The following SBK1 variants were observed in gnomAD, a reference collection of about 807,000 sequenced individuals.
The protein encoded by SBK1 is SH3 domain binding kinase 1.
In SBK1, 11 loss-of-function variants were observed where a neutral mutation model predicts 24.4. The ratio of observed to expected loss-of-function variants is 0.45; its 90% CI spans 0.28 to 0.75. The LOEUF (loss-of-function observed/expected upper bound fraction) is 0.75, where lower values mean the gene tolerates loss of function less well. Among genes scored for constraint, SBK1 ranks in the 30% least tolerant of loss-of-function variants. SBK1 has a pLI of 0.12. For synonymous variants in SBK1, 308 were observed against 284.4 expected, an observed-to-expected ratio of 1.08 and a Z score of -0.83; for missense variants, 467 against 620.5, an observed-to-expected ratio of 0.75 and a Z score of 2.63.
chr16:28,304,132 G>A (rs2044699076), intron 1 of SBK1, among the ~76,000 whole-genome samples: 1 of 152,196 alleles, frequency 6.6e-6, no homozygotes, highest in Admixed American at 6.5e-5. Context: ...ATTGTTTATA[G>A]TAATAGCAAA....
At chr16:28,274,962 G>A (rs921819166) in intron 1 of SBK1, among the ~76,000 whole-genome samples, 3 of 152,146 alleles carry the variant, frequency 2.0e-5, no homozygotes, top group African/African-American at 7.2e-5. Context: ...ATGTAAACAT[G>A]GTATGTAGGA....
At chr16:28,291,539 C>G (rs543992515), upstream of SBK1, 50 of 145,436 alleles carry the variant, frequency 3.4e-4, no homozygotes, top group East Asian at 9.7e-3. Flanking sequence ...AAAAGAAATG[C>G]TTTTGAAGCT....
chr16:28,300,610 C>T (rs770739416), intron 1 of SBK1, among the ~76,000 whole-genome samples: 8 of 152,104 alleles, frequency 5.3e-5, no homozygotes, highest in Non-Finnish European at 1.2e-4. Flanking sequence ...AGGCTTGAGC[C>T]GCTGTGCCTG....
At chr16:28,284,025 C>G (rs1175990322) in intron 1 of SBK1, among the ~76,000 whole-genome samples, 1 of 152,210 alleles carries the variant, frequency 6.6e-6, no homozygotes, top group African/African-American at 2.4e-5. Context: ...TAACCCTGAG[C>G]AGCGTGTTGT....
Position 28,259,498 on chromosome 16 carries a change from C to A in SBK1, c.253C>A (p.Arg85=), listed in dbSNP as rs1304526998. The A allele has an allele frequency of 2.0e-6, 2 of 982,830 alleles. No homozygotes were observed. The highest frequency in any genetic ancestry group is 4.7e-5 in the South Asian group (1 of 21,222). 60.9% of individuals were successfully genotyped at this position (982,830 alleles called of 1,614,324 possible). A position where few individuals can be genotyped will look rare whatever the true frequency, so the allele number is the denominator to read the frequency against. Residue 85 remains arginine (R), a synonymous_variant, in exon 1 of 4, where the codon CGG becomes AGG. Coordinates refer to the SBK1 transcript ENST00000671413. This position sits in a 1 kb window ranked among gnomAD's most constrained non-coding sequence, Gnocchi z 6.0. The stretch of plus-strand genomic sequence containing the variant: ...GGAGCTGCTGGAAGAAGTCCCATTG[C>A]GGAGGTCAGTGCTCGTGGGTGGCCA...
At chr16:28,281,633 C>T (rs1255612331) in intron 1 of SBK1, among the ~76,000 whole-genome samples, 3 of 152,118 alleles carry the variant, frequency 2.0e-5, no homozygotes, top group African/African-American at 4.8e-5. Flanking sequence ...AGCTAGGGTG[C>T]GCACTTCAGC....
chr16:28,317,557 G>C lies in SBK1; in HGVS notation c.166G>C (p.Val56Leu). Residue 56 changes from valine (V) to leucine (L), a missense_variant, in exon 2 of 4, where the codon GTC becomes CTC. Physicochemically the swap from Val to Leu is conservative, Grantham distance 32 (BLOSUM62 1). This residue lies in a region of SBK1 where 123 missense variants were observed against 158.2 expected (regional missense o/e 0.78). Coordinates refer to ENST00000341901, the MANE Select transcript of SBK1 (RefSeq NM_001024401.3). This position sits in a 1 kb window ranked among gnomAD's most constrained non-coding sequence, Gnocchi z 4.2. ...CGACGTCACCAAGCACTACGAACTA[G>C]TCCGGGAGCTGGGCAAAGGCACCTA... is the stretch of plus-strand genomic sequence containing the variant. ...ASDVTKHYEL[V>L]RELGKGTYGK... The C allele has an allele frequency of 6.2e-7, 1 of 1,614,246 alleles. No individual in the cohort carries two copies. Among genetic ancestry groups the C allele is most frequent in the Non-Finnish European group, 8.5e-7 (1 of 1,180,052 alleles).
At chr16:28,280,750 C>T (rs1050402056) in intron 1 of SBK1, among the ~76,000 whole-genome samples, 3 of 152,108 alleles carry the variant, frequency 2.0e-5, no homozygotes, top group Non-Finnish European at 2.9e-5. Flanking sequence ...CTGCAACCTC[C>T]GCCTCCCGGA....
chr16:28,284,025 C>T (rs1175990322), intron 1 of SBK1, among the ~76,000 whole-genome samples: 1 of 152,210 alleles, frequency 6.6e-6, no homozygotes, highest in Non-Finnish European at 1.5e-5. Flanking sequence ...TAACCCTGAG[C>T]AGCGTGTTGT....
intron 1 of SBK1, among the ~76,000 whole-genome samples, chr16:28,268,018 G>A (rs1378346611): frequency 6.6e-6 from 1 of 152,096 alleles, no homozygotes; most frequent in African/African-American, 2.4e-5. Flanking sequence ...GTGGTGGTGT[G>A]CACCTGTAGT....
intron 1 of SBK1, among the ~76,000 whole-genome samples, chr16:28,294,500 C>G (rs560276818): frequency 5.3e-5 from 8 of 152,302 alleles, no homozygotes; most frequent in Non-Finnish European, 1.0e-4. Flanking sequence ...ATGGACCATG[C>G]GCTAGAGTCA....
chr16:28,308,450 C>CTTTTTTTTTTTTTTTTTTTTTTTT (rs59880320), intron 1 of SBK1, among the ~76,000 whole-genome samples: 1 of 39,978 alleles, frequency 2.5e-5, no homozygotes, highest in African/African-American at 1.1e-4. Flanking sequence ...CATGCTTGGG[C>CTTTTTTTTTTTTTTTTTTTTTTTT]TTTTTTTTTT....
Position 28,293,264 on chromosome 16 carries a change from G to T in SBK1, c.-44G>T. ...CAGACGAAGACCGCGACGGCGCCCA[G>T]GCCCCCTGCCGCGGCGTCCCCGCGG... On this transcript the variant is annotated 5_prime_UTR_variant, in exon 1 of 4. In the 5' UTR this introduces an upstream ATG that the reference lacks. Transcript: ENST00000341901. The T allele has an allele frequency of 1.0e-6, 1 of 985,542 alleles. No homozygotes were observed. The highest frequency in any genetic ancestry group is 1.2e-6 in the Non-Finnish European group (1 of 830,046). The allele number at this position is 985,542 out of a possible 1,614,324, so 61.0% of individuals were successfully genotyped here.
chr16:28,305,334 T>A (rs1448555259), intron 1 of SBK1, among the ~76,000 whole-genome samples: 4 of 152,178 alleles, frequency 2.6e-5, no homozygotes, highest in Non-Finnish European at 4.4e-5. Context: ...TGCCTCAGCT[T>A]CCCAAGTAGC....
rs765224746 is a variant in SBK1, at chr16:28,317,951, C to T, written c.226+334C>T. ...GGCTGCCGGCTGTGTCTGAGTATCA[C>T]CAGCGTCTCAGGGATGTCTGGCCCC... On this transcript the variant is annotated intron_variant, in intron 2 of 3. Coordinates refer to ENST00000341901, the MANE Select transcript of SBK1 (RefSeq NM_001024401.3). The surrounding 1 kb of genome is among the most constrained non-coding windows in gnomAD (Gnocchi z 4.2). 8.6e-5 allele frequency among the ~76,000 whole-genome samples: 13 copies of T among 152,044 alleles called. No homozygotes were observed. The highest frequency in any genetic ancestry group is 1.8e-4 in the Non-Finnish European group (12 of 67,998).
At chr16:28,261,939 G>A (rs2044400333) in intron 1 of SBK1, among the ~76,000 whole-genome samples, 1 of 152,168 alleles carries the variant, frequency 6.6e-6, no homozygotes, top group Non-Finnish European at 1.5e-5. Context: ...CTGGGAGTAT[G>A]GTAGCCTATG....
chr16:28,307,090 G>T (rs1157805752), intron 1 of SBK1, among the ~76,000 whole-genome samples: 1 of 152,212 alleles, frequency 6.6e-6, no homozygotes, highest in Non-Finnish European at 1.5e-5. Context: ...ACAGATGGGG[G>T]TGGCTGTGAG....
At chr16:28,297,916 G>A (rs2044652023) in intron 1 of SBK1, among the ~76,000 whole-genome samples, 1 of 152,182 alleles carries the variant, frequency 6.6e-6, no homozygotes, top group Non-Finnish European at 1.5e-5. Flanking sequence ...GGTGAGGGCG[G>A]AGGCCCTTCC....
chr16:28,270,406 AATTATTATTATT>A (rs59973055), intron 1 of SBK1, among the ~76,000 whole-genome samples: 15 of 146,040 alleles, frequency 1.0e-4, no homozygotes, highest in East Asian at 8.1e-4. Flanking sequence ...TTCAGCCTAG[AATTATTATTATT>A]ATTATTATTA....
Sources: gnomAD v4.1 joint callset for allele counts (sites outside exome capture counted in the v4.1 genomes callset) on GRCh38, gnomAD v4.1.1 for gene constraint, gnomAD v4.1.1 regional missense constraint, Gnocchi (gnomAD v3.1) non-coding constraint, MANE v1.5 for transcripts, NCBI Gene and HGNC (gene_info 2026-07-23, HGNC 2026-07-21) for gene names.